Variants in PHEX observed in about 807,000 individuals in gnomAD.
The protein encoded by PHEX is phosphate-regulating neutral endopeptidase PHEX.
In PHEX, 16 loss-of-function variants were observed where a neutral mutation model predicts 68.0. That is an observed-to-expected ratio of 0.24 (90% CI 0.16 to 0.36). PHEX has a LOEUF of 0.36. PHEX is among the 10% of genes least tolerant of loss of function. The probability of loss-of-function intolerance (pLI) is 1.00; values close to 1 mark genes in which losing one functional copy is unlikely to be tolerated. For synonymous variants in PHEX, 208 were observed against 205.1 expected (o/e 1.01, Z -0.12); for missense variants, 480 against 575.5 (o/e 0.83, Z 1.70).
chrX:22,178,082 T>G (rs771421872), intron 13 of PHEX, among the ~76,000 whole-genome samples, 191 bp from the exon 14 acceptor site: 2 of 112,212 alleles, frequency 1.8e-5, no homozygotes, highest in South Asian at 7.3e-4. Flanking sequence ...ATTTTTGAAG[T>G]TTTTACGTTA....
chrX:22,119,118 G>A (rs949549834), intron 11 of PHEX, among the ~76,000 whole-genome samples: 4 of 111,116 alleles, frequency 3.6e-5, no homozygotes, highest in African/African-American at 1.3e-4. Flanking sequence ...GTGCAGTGGC[G>A]TGATCTCGGC....
chrX:22,108,917 G>A lies in PHEX; in HGVS notation c.1080-2550G>A, dbSNP rs542566141. On this transcript the variant is annotated intron_variant, in intron 9 of 21. Transcript: ENST00000379374. ...AGATCGCGCCATTGCACTCCAGCTT[G>A]GGCGACAGAGCAAGACTCCATCTTC... 1.3e-4 allele frequency among the ~76,000 whole-genome samples: 14 copies of A among 103,795 alleles called. No homozygotes were observed. In the South Asian group the frequency reaches 6.5e-3, roughly 48 times the overall value. The allele number at this position is 103,795 out of a possible 115,157, so 90.1% of individuals were successfully genotyped here.
chrX:22,122,397 A>C (rs981397992), intron 11 of PHEX, among the ~76,000 whole-genome samples: 1 of 111,611 alleles, frequency 9.0e-6, no homozygotes, highest in Non-Finnish European at 1.9e-5. Context: ...AAGGCAAACC[A>C]TGATGATTTG....
chrX:22,193,261 TTGTC>T (rs575830224), intron 15 of PHEX, among the ~76,000 whole-genome samples: 1 of 111,069 alleles, frequency 9.0e-6, no homozygotes, highest in Non-Finnish European at 1.9e-5. Flanking sequence ...AAACGTTTTA[TTGTC>T]TAATATTTGG....
At chrX:22,097,564 G>A (rs1215030790) in intron 8 of PHEX, 1 of 128,283 alleles carries the variant, frequency 7.8e-6, no homozygotes, top group Non-Finnish European at 1.5e-5. Flanking sequence ...ATTTCTTATT[G>A]AGTAGGATTG....
Position 22,078,928 on chromosome X carries a change from A to T in PHEX, c.663+1226A>T, listed in dbSNP as rs1929272459. On this transcript the variant is annotated intron_variant, in intron 5 of 21. Transcript: ENST00000379374. ...CTGTGTTTCTATGTTTGGTGATGAA[A>T]TGAGCCATCTTCTAATGCTATCAGG... Among the ~76,000 whole-genome samples, 6 of 112,211 alleles carry T rather than the reference A, an allele frequency of 5.3e-5. No homozygotes were observed. In the South Asian group the frequency reaches 2.2e-3, roughly 42 times the overall value.
At chrX:22,150,478 C>G (rs1459741342) in intron 12 of PHEX, among the ~76,000 whole-genome samples, 1 of 112,087 alleles carries the variant, frequency 8.9e-6, no homozygotes, top group Non-Finnish European at 1.9e-5. Context: ...CCAAATATAC[C>G]TGTAGTACAG....
intron 14 of PHEX, among the ~76,000 whole-genome samples, chrX:22,183,959 A>G (rs1014882595): frequency 4.5e-5 from 5 of 112,046 alleles, no homozygotes; most frequent in African/African-American, 1.3e-4. Flanking sequence ...GGTCTTAACT[A>G]TTTCTAATAT....
intron 15 of PHEX, among the ~76,000 whole-genome samples, chrX:22,209,694 C>CTCCCTCTCCCTCTCT (rs1359387277): frequency 9.9e-6 from 1 of 101,315 alleles, no homozygotes; most frequent in Non-Finnish European, 2.0e-5. Flanking sequence ...CCTCCCTCTC[C>CTCCCTCTCCCTCTCT]TCCCTCTCCC....
intron 16 of PHEX, among the ~76,000 whole-genome samples, chrX:22,213,992 T>C (rs1203854985): frequency 1.8e-5 from 2 of 112,146 alleles, no homozygotes; most frequent in Non-Finnish European, 3.8e-5. Flanking sequence ...AAATGAATTA[T>C]GTCCTGTGAG....
In PHEX at chrX:22,171,436, C is replaced by T. The variant is rs1459638665; in HGVS notation, c.1482+3047C>T. 5 of 110,256 alleles carry T rather than the reference C, an allele frequency of 4.5e-5. No homozygotes were observed. In the Admixed American group the frequency reaches 4.8e-4, roughly 11 times the overall value. 9.1% of individuals were successfully genotyped at this position (110,256 alleles called of 1,213,427 possible). ...ATTACAATTCGAGATGAGATTTGTG[C>T]TCTCTCACTTTCTCTCCCCCTCAAG... On this transcript the variant is annotated intron_variant, in intron 13 of 21. Transcript: ENST00000379374.
At chrX:22,190,542 A>C (rs371345566) in intron 15 of PHEX, 40 bp downstream of exon 15, 1 of 898,859 alleles carries the variant, frequency 1.1e-6, no homozygotes, top group African/African-American at 2.0e-5. Context: ...ACCTGGTATA[A>C]AATGCAAAGA....
chrX:22,203,613 G>A (rs1934623528), intron 15 of PHEX, among the ~76,000 whole-genome samples: 2 of 111,320 alleles, frequency 1.8e-5, no homozygotes, highest in Admixed American at 1.9e-4. Flanking sequence ...TGGCCCCCTA[G>A]ATTCTAGAAT....
At chrX:22,207,957 T>C (rs950425594) in intron 15 of PHEX, among the ~76,000 whole-genome samples, 6 of 111,143 alleles carry the variant, frequency 5.4e-5, no homozygotes, top group African/African-American at 2.0e-4. Context: ...TACATAGGTA[T>C]ACATGTGCCG....
Position 22,108,382 on chromosome X carries a change from C to G in PHEX, c.1080-3085C>G, listed in dbSNP as rs182000222. Among the ~76,000 whole-genome samples, 224 of 110,941 alleles carry G rather than the reference C, an allele frequency of 2.0e-3. 2 individuals are homozygous for G. The highest frequency in any genetic ancestry group is 7.1e-3 in the African/African-American group (217 of 30,497). On this transcript the variant is annotated intron_variant, in intron 9 of 21. Transcript: ENST00000379374. ...CAGGGAGGGTAGGAAGGGGATGAGGCATAAAAAAACTATAGATTGGATCCA... is the reference window on the plus strand; with the variant it reads ...CAGGGAGGGTAGGAAGGGGATGAGGGATAAAAAAACTATAGATTGGATCCA...
chrX:22,201,703 A>G (rs954868861), intron 15 of PHEX, among the ~76,000 whole-genome samples: 4 of 111,795 alleles, frequency 3.6e-5, no homozygotes, highest in Non-Finnish European at 7.5e-5. Context: ...GCCTGTAAGG[A>G]TGCAATTTGC....
chrX:22,167,772 G>A (rs914808000), intron 12 of PHEX, among the ~76,000 whole-genome samples: 14 of 111,245 alleles, frequency 1.3e-4, no homozygotes, highest in African/African-American at 3.6e-4. Flanking sequence ...TGGGATTACA[G>A]GCATGAACAA....
chrX:22,123,833 C>CTTTTT (rs755194382), intron 11 of PHEX, among the ~76,000 whole-genome samples: 1 of 83,078 alleles, frequency 1.2e-5, no homozygotes, highest in African/African-American at 7.5e-5. Context: ...ATTTCTTTTT[C>CTTTTT]TTTTTTTTTT....
intron 15 of PHEX, among the ~76,000 whole-genome samples, chrX:22,210,519 T>G (rs1296843514): frequency 8.9e-6 from 1 of 112,158 alleles, no homozygotes; most frequent in Admixed American, 9.5e-5. Context: ...TGATTTATTA[T>G]GTGAAACTGA....
Sources: gnomAD v4.1 joint callset for allele counts (sites outside exome capture counted in the v4.1 genomes callset) on GRCh38, gnomAD v4.1.1 for gene constraint, MANE v1.5 for transcripts, NCBI Gene and HGNC (gene_info 2026-07-23, HGNC 2026-07-21) for gene names.